CDKAL1: variants seen among roughly 807,000 people sequenced by gnomAD.
The protein encoded by CDKAL1 is CDKAL1 threonylcarbamoyladenosine tRNA methylthiotransferase.
CDKAL1 carries 32 observed loss-of-function variants against 68.2 expected under a neutral mutation model. The observed-to-expected ratio is 0.47, with a 90% CI of 0.35 to 0.63. CDKAL1 has a LOEUF of 0.63. Ranked by LOEUF, CDKAL1 falls within the 30% of genes least tolerant of loss-of-function variation. CDKAL1 has a pLI of 0.00. For missense variants in CDKAL1, 606 were observed against 696.7 expected (o/e 0.87, Z 1.47); for synonymous variants, 234 against 244.3 (o/e 0.96, Z 0.39).
rs534568698 is a variant in CDKAL1, at chr6:20,830,039, A to G, written c.639-16036A>G. ...GCTGGCTAACTTTTGTATTTTTAGT[A>G]GAGACGGGGTTTCACCATGTTGCCC... On this transcript the variant is annotated intron_variant, in intron 8 of 15. Transcript: ENST00000274695. Among the ~76,000 whole-genome samples, 68 of 152,270 alleles carry G rather than the reference A, an allele frequency of 4.5e-4. 1 individual carries two copies. Among genetic ancestry groups the G allele is most frequent in the African/African-American group, 1.6e-3 (67 of 41,568 alleles).
chr6:20,953,955 G>A (rs186165361), intron 9 of CDKAL1, among the ~76,000 whole-genome samples: 4 of 152,000 alleles, frequency 2.6e-5, no homozygotes, highest in Admixed American at 2.6e-4. Flanking sequence ...TTTTTTCTAT[G>A]TATTCTGTTC....
chr6:20,542,304 G>A (rs1367550764), intron 2 of CDKAL1, among the ~76,000 whole-genome samples: 3 of 152,180 alleles, frequency 2.0e-5, no homozygotes, highest in African/African-American at 7.2e-5. Context: ...GAGGAACAGT[G>A]GTCATTCAAT....
chr6:20,851,614 A>T lies in CDKAL1; in HGVS notation c.742+5436A>T, dbSNP rs189612678. Among the ~76,000 whole-genome samples, 788 of 152,226 alleles carry T rather than the reference A, an allele frequency of 5.2e-3. 5 individuals carry two copies. Among genetic ancestry groups the T allele is most frequent in the African/African-American group, 0.018 (760 of 41,544 alleles). On this transcript the variant is annotated intron_variant, in intron 9 of 15. Coordinates refer to ENST00000274695, the MANE Select transcript of CDKAL1 (RefSeq NM_017774.3). ...AGCCCCTGCAAGATAAGTGGCATAAACTGGTTATGGAAAGGTAAAATAAAT... is the reference window on the plus strand; with the variant it reads ...AGCCCCTGCAAGATAAGTGGCATAATCTGGTTATGGAAAGGTAAAATAAAT...
At chr6:21,014,666 A>C (rs116334576) in intron 11 of CDKAL1, among the ~76,000 whole-genome samples, 1,544 of 152,236 alleles carry the variant, frequency 0.01, 26 homozygotes, top group African/African-American at 0.035. Flanking sequence ...CCCTAAAAAC[A>C]ACTGAATTTT....
chr6:20,596,618 C>G (rs548864130), intron 4 of CDKAL1, among the ~76,000 whole-genome samples: 12 of 152,292 alleles, frequency 7.9e-5, no homozygotes, highest in African/African-American at 2.6e-4. Context: ...GTGGGATCTG[C>G]TGAGCTAGAC....
At chr6:20,922,215 C>T (rs186549860) in intron 9 of CDKAL1, among the ~76,000 whole-genome samples, 75 of 152,348 alleles carry the variant, frequency 4.9e-4, no homozygotes, top group African/African-American at 1.8e-3. Context: ...GCCCCATCAG[C>T]ATTCAGAGGG....
intron 13 of CDKAL1, among the ~76,000 whole-genome samples, chr6:21,178,031 A>G (rs1223989499): frequency 6.6e-6 from 1 of 152,158 alleles, no homozygotes; most frequent in Non-Finnish European, 1.5e-5. Context: ...AACCCAACCT[A>G]TCACCCACTG....
chr6:20,768,156 G>C (rs547121340), intron 7 of CDKAL1, among the ~76,000 whole-genome samples: 1 of 152,176 alleles, frequency 6.6e-6, no homozygotes, highest in Non-Finnish European at 1.5e-5. Context: ...GTTGGGTGCT[G>C]CTGTGACAGG....
chr6:20,935,219 T>A (rs1763649541), intron 9 of CDKAL1, among the ~76,000 whole-genome samples: 1 of 151,962 alleles, frequency 6.6e-6, no homozygotes, highest in South Asian at 2.1e-4. Context: ...TTACATCAAA[T>A]GTTTCACATC....
At chr6:21,075,668 T>C (rs907064118) in intron 12 of CDKAL1, among the ~76,000 whole-genome samples, 2 of 152,172 alleles carry the variant, frequency 1.3e-5, no homozygotes, top group Non-Finnish European at 1.5e-5. Context: ...AGGTCAGATT[T>C]GCAAGTTCAT....
At chr6:21,031,125 G>T (rs1018560849) in intron 11 of CDKAL1, among the ~76,000 whole-genome samples, 1 of 151,958 alleles carries the variant, frequency 6.6e-6, no homozygotes, top group African/African-American at 2.4e-5. Context: ...TGGGCTCAGG[G>T]TCCTCTCCCA....
At chr6:20,556,867 C>G (rs1764063451) in intron 4 of CDKAL1, among the ~76,000 whole-genome samples, 2 of 151,796 alleles carry the variant, frequency 1.3e-5, no homozygotes, top group Non-Finnish European at 2.9e-5. Context: ...GAAATCCTGT[C>G]TCTACTAAAA....
chr6:21,114,611 G>C (rs1182883423), intron 13 of CDKAL1, among the ~76,000 whole-genome samples: 1 of 152,022 alleles, frequency 6.6e-6, no homozygotes, highest in African/African-American at 2.4e-5. Flanking sequence ...GCATGTGCCT[G>C]TGTTTCCAGC....
intron 10 of CDKAL1, among the ~76,000 whole-genome samples, chr6:20,965,549 C>G (rs1187823135): frequency 6.6e-6 from 1 of 152,188 alleles, no homozygotes; most frequent in Non-Finnish European, 1.5e-5. Flanking sequence ...ATCTCTCTCA[C>G]TCTAACATAC....
At chr6:20,817,329 T>TTTTGTTTACA (rs1270729995) in intron 8 of CDKAL1, among the ~76,000 whole-genome samples, 8 of 152,216 alleles carry the variant, frequency 5.3e-5, no homozygotes, top group African/African-American at 1.9e-4. Context: ...GCTTATTTTC[T>TTTTGTTTACA]TTTGTTTACA....
chr6:21,029,286 C>T (rs1769131888), intron 11 of CDKAL1, among the ~76,000 whole-genome samples: 1 of 152,134 alleles, frequency 6.6e-6, no homozygotes, highest in Non-Finnish European at 1.5e-5. Flanking sequence ...CAAACTCCTC[C>T]TGGGCTCAAG....
chr6:20,544,494 G>A (rs1276591536), intron 2 of CDKAL1, among the ~76,000 whole-genome samples: 1 of 150,892 alleles, frequency 6.6e-6, no homozygotes, highest in Non-Finnish European at 1.5e-5. Context: ...TACACGGGAG[G>A]CTGAGGCAGG....
At position 21,108,473 on chromosome 6, in the gene CDKAL1, G is replaced by A; in HGVS notation, c.1299+10G>A. 1 of 1,552,968 alleles carries A rather than the reference G, an allele frequency of 6.4e-7. No homozygotes were observed. Among genetic ancestry groups the A allele is most frequent in the Non-Finnish European group, 8.8e-7 (1 of 1,133,882 alleles). ...TCCATATGATCACAAGGTAAGAGAA[G>A]CATGTTAATAGCATATTAAGTATTA... On this transcript the variant is annotated intron_variant, in intron 13 of 15. Transcript: ENST00000274695.
chr6:20,619,578 A>G (rs1767084726), intron 4 of CDKAL1, among the ~76,000 whole-genome samples: 1 of 152,212 alleles, frequency 6.6e-6, no homozygotes. Flanking sequence ...CCTTGCAGCA[A>G]TATAAAATAA....
Sources: gnomAD v4.1 joint callset for allele counts (sites outside exome capture counted in the v4.1 genomes callset) on GRCh38, gnomAD v4.1.1 for gene constraint, MANE v1.5 for transcripts, NCBI Gene and HGNC (gene_info 2026-07-23, HGNC 2026-07-21) for gene names.